PTCH1: variants seen among roughly 807,000 people sequenced by gnomAD.
The protein encoded by PTCH1 is protein patched homolog 1.
A neutral mutation model predicts 144.6 loss-of-function variants in PTCH1; 14 were observed. That is an observed-to-expected ratio of 0.10 (90% confidence interval 0.06 to 0.15). The LOEUF is 0.15. Among genes scored for constraint, PTCH1 ranks in the 10% least tolerant of loss-of-function variants. The probability of loss-of-function intolerance (pLI) is 1.00; values close to 1 mark genes in which losing one functional copy is unlikely to be tolerated. For synonymous variants in PTCH1, 833 were observed against 793.6 expected, an observed-to-expected ratio of 1.05 and a Z score of -0.83; for missense variants, 1,623 against 1,948.3, an observed-to-expected ratio of 0.83 and a Z score of 3.14.
In PTCH1 at chr9:95,469,715, C is replaced by T. The variant is rs530560011; in HGVS notation, c.1847+98G>A. On this transcript the variant is annotated intron_variant, in intron 13 of 23. Transcript: ENST00000331920. ...ACGTTCTCCACACCAGCACAAACCC[C>T]GTTACCCACATTCCTTTATAAGTCC... 671 of 1,215,112 alleles carry T rather than the reference C, an allele frequency of 5.5e-4. 2 individuals carry two copies. The highest frequency in any genetic ancestry group is 7.1e-4 in the Non-Finnish European group (578 of 818,688). The allele number at this position is 1,215,112 out of a possible 1,614,324, so 75.3% of individuals were successfully genotyped here.
rs56007343 is a variant in PTCH1, at chr9:95,449,240, G to A, written c.3633C>T (p.Pro1211=). 1.1e-4 allele frequency: 170 copies of A among 1,583,218 alleles called. 1 individual carries two copies. The East Asian group carries it at 3.4e-3, about 32-fold the overall frequency. Residue 1211 remains proline, a synonymous_variant, in exon 22 of 24, where the codon CCC becomes CCT. Coordinates refer to ENST00000331920, the MANE Select transcript of PTCH1 (RefSeq NM_000264.5). The surrounding 1 kb of genome is among the most constrained non-coding windows in gnomAD (Gnocchi z 5.3). ...AATCAGACCCGCTGTGCGTGTGGCC[G>A]GGCGGCATGGCGAAGCGGACCACGC... is the stretch of plus-strand genomic sequence containing the variant. ...PPSVVRFAMP[P]GHTHSGSDSS... is the part of the protein sequence containing the mutation.
chr9:95,467,466 C>A, intron 14 of PTCH1, 41 bp from the exon 15 acceptor site: 2 of 1,594,216 alleles, frequency 1.3e-6, no homozygotes, highest in Non-Finnish European at 1.7e-6. Flanking sequence ...CAGGGAGCAC[C>A]ACTGACTCTT....
rs1404258266 is a variant in PTCH1 at position 95,508,415 on chromosome 9, G to A, written c.-54C>T. The A allele has an allele frequency of 1.2e-5, 13 of 1,061,630 alleles. No homozygotes were observed. The African/African-American group carries it at 1.9e-4, about 15-fold the overall frequency. 65.8% of individuals were successfully genotyped at this position (1,061,630 alleles called of 1,614,324 possible). A position where few individuals can be genotyped will look rare whatever the true frequency, so the allele number is the denominator to read the frequency against. On this transcript the variant is annotated 5_prime_UTR_variant, in exon 1 of 24. Transcript: ENST00000331920. Reference sequence around the variant, plus strand: ...GGACGGAGGCTTCCCGGGCGGCCCGGCGCGCTGCTGCCGCTGCTGCGGGCT... The same window carrying A: ...GGACGGAGGCTTCCCGGGCGGCCCGACGCGCTGCTGCCGCTGCTGCGGGCT...
chr9:95,503,103 A>G (rs570688355), intron 2 of PTCH1, among the ~76,000 whole-genome samples: 4 of 152,196 alleles, frequency 2.6e-5, no homozygotes, highest in Non-Finnish European at 5.9e-5. Flanking sequence ...AACTAGGGCA[A>G]TATGCTACCT....
chr9:95,453,845 T>C (rs1050861184), intron 19 of PTCH1, among the ~76,000 whole-genome samples: 1 of 152,194 alleles, frequency 6.6e-6, no homozygotes, highest in Non-Finnish European at 1.5e-5. Context: ...TTGAACACAG[T>C]AAAATCAAAA....
At position 95,490,519 on chromosome 9, in the gene PTCH1, TGACA is replaced by T. The variant is rs1301861770; in HGVS notation, c.395-4649_395-4646del. ...ACCCAGAAAAACAAAACCTTCTATG[TGACA>T]CACACACACACACACACACACACAC... On this transcript the variant is annotated intron_variant, in intron 2 of 23. Coordinates refer to ENST00000331920, the MANE Select transcript of PTCH1 (RefSeq NM_000264.5). Among the ~76,000 whole-genome samples, 205 of 119,924 alleles carry T rather than the reference TGACA, an allele frequency of 1.7e-3. 1 individual carries two copies. The highest frequency in any genetic ancestry group is 6.4e-3 in the African/African-American group (191 of 29,650). 78.7% of individuals were successfully genotyped at this position (119,924 alleles called of 152,430 possible). A position where few individuals can be genotyped will look rare whatever the true frequency, so the allele number is the denominator to read the frequency against.
rs863224351 is a variant in PTCH1, at chr9:95,506,468, G to A, written c.333C>T (p.Ala111=). ...FLVVGLLIFG[A]FAVGLKAANL... Reference sequence around the variant, plus strand: ...TCGCTGCTTTTAATCCCACCGCGAAGGCCCCAAATATGAGGAGGCCCACAA... The same window carrying A: ...TCGCTGCTTTTAATCCCACCGCGAAAGCCCCAAATATGAGGAGGCCCACAA... The change falls in exon 2 of 24, where the codon GCC becomes GCT. Residue 111 remains alanine, a synonymous_variant. Coordinates refer to ENST00000331920, the MANE Select transcript of PTCH1 (RefSeq NM_000264.5). 1 of 1,613,544 alleles carries A rather than the reference G, an allele frequency of 6.2e-7. No homozygotes were observed. Among genetic ancestry groups the A allele is most frequent in the South Asian group, 1.1e-5 (1 of 90,986 alleles).
At chr9:95,495,199 A>G (rs1842706054) in intron 2 of PTCH1, 1 of 152,160 alleles carries the variant, frequency 6.6e-6, no homozygotes, top group African/African-American at 2.4e-5. Context: ...TGGTGCCGTG[A>G]GGAAGTTTCA....
At chr9:95,507,068 A>G (rs546483462) in intron 1 of PTCH1, 57 of 986,538 alleles carry the variant, frequency 5.8e-5, no homozygotes, top group Non-Finnish European at 6.1e-5. Flanking sequence ...TTGGAACAAC[A>G]TATTGCGGGT....
intron 19 of PTCH1, among the ~76,000 whole-genome samples, chr9:95,455,770 A>C (rs547316505): frequency 6.6e-6 from 1 of 152,282 alleles, no homozygotes; most frequent in East Asian, 1.9e-4. Context: ...GGGGCTGAAC[A>C]ATGGAGCCTC....
intron 12 of PTCH1, among the ~76,000 whole-genome samples, chr9:95,473,295 G>A (rs923660703): frequency 1.3e-4 from 20 of 152,170 alleles, no homozygotes; most frequent in Non-Finnish European, 7.3e-5. Context: ...TGAAGGTAAC[G>A]CAGGTTTACT....
intron 18 of PTCH1, among the ~76,000 whole-genome samples, chr9:95,456,817 C>T (rs540984825): frequency 6.6e-6 from 1 of 152,146 alleles, no homozygotes; most frequent in Non-Finnish European, 1.5e-5. Flanking sequence ...CCGCCAGAGA[C>T]CATCCGTGAA....
intron 5 of PTCH1, among the ~76,000 whole-genome samples, chr9:95,481,109 T>C (rs1017471383): frequency 1.3e-5 from 2 of 152,194 alleles, no homozygotes; most frequent in Admixed American, 6.5e-5. Context: ...TCACAGCCAC[T>C]TCCCCCCACA....
At chr9:95,469,307 T>A in intron 13 of PTCH1, 154 bp from the exon 14 acceptor site, 1 of 1,079,724 alleles carries the variant, frequency 9.3e-7, no homozygotes, top group Non-Finnish European at 1.4e-6. Context: ...AAACATCGCC[T>A]GGTTGATAAC....
Position 95,445,056 on chromosome 9 carries a change from G to GAATC in PTCH1, c.*1333_*1336dup, listed in dbSNP as rs1837775398. On this transcript the variant is annotated 3_prime_UTR_variant, in exon 24 of 24. Coordinates refer to ENST00000331920, the MANE Select transcript of PTCH1 (RefSeq NM_000264.5). ...CGTACCCTAAACACTGGTGCATGAAGAATCCCCCCGGAGCTCTTATCCTAC... is the reference window on the plus strand; with the variant it reads ...CGTACCCTAAACACTGGTGCATGAAGAATCAATCCCCCCGGAGCTCTTATCCTAC... 6.6e-6 allele frequency: 1 copy of GAATC among 152,150 alleles called. No individual in the cohort carries two copies. Among genetic ancestry groups the GAATC allele is most frequent in the Non-Finnish European group, 1.5e-5 (1 of 68,036 alleles). 9.4% of individuals were successfully genotyped at this position (152,150 alleles called of 1,614,324 possible).
At chr9:95,481,882 A>G in intron 5 of PTCH1, 67 bp downstream of exon 5, 2 of 1,347,730 alleles carry the variant, frequency 1.5e-6, no homozygotes, top group Non-Finnish European at 2.1e-6. Context: ...AAACAATGAT[A>G]AGCAACATTA....
rs758223838 is a variant in PTCH1 at position 95,480,565 on chromosome 9, G to A, written c.770C>T (p.Thr257Ile). 4 of 1,613,536 alleles carry A rather than the reference G, an allele frequency of 2.5e-6. No homozygotes were observed. The highest frequency in any genetic ancestry group is 2.2e-5 in the East Asian group (1 of 44,858). Residue 257 changes from threonine (T) to isoleucine (I), a missense_variant, in exon 6 of 24, where the codon ACA (threonine) becomes ATA (isoleucine). Physicochemically the swap from Thr to Ile is moderately conservative, Grantham distance 89. Around this residue, in one of 7 missense-constraint regions of PTCH1, gnomAD observed 230 missense variants for 271.0 expected, o/e 0.85. Transcript: ENST00000331920. ...YLLGKPPLRW[T>I]NFDPLEFLEE... is the part of the protein sequence containing the mutation. ...CAGGAATTCCAAAGGGTCGAAGTTT[G>A]TCCACCGCAAAGGAGGTTTACCTCT... is the stretch of plus-strand genomic sequence containing the variant.
At chr9:95,504,044 A>T (rs1843353342) in intron 2 of PTCH1, among the ~76,000 whole-genome samples, 2 of 147,458 alleles carry the variant, frequency 1.4e-5, no homozygotes, top group Non-Finnish European at 1.5e-5. Context: ...AAAAAAAAAA[A>T]AAAAAAAAAA....
chr9:95,493,408 G>C (rs755858057), intron 2 of PTCH1, among the ~76,000 whole-genome samples: 1 of 152,246 alleles, frequency 6.6e-6, no homozygotes, highest in African/African-American at 2.4e-5. Flanking sequence ...AGGGGCACCA[G>C]GGGCATGGCA....
Sources: gnomAD v4.1 joint callset for allele counts (sites outside exome capture counted in the v4.1 genomes callset) on GRCh38, gnomAD v4.1.1 for gene constraint, gnomAD v4.1.1 regional missense constraint, Gnocchi (gnomAD v3.1) non-coding constraint, MANE v1.5 for transcripts, NCBI Gene and HGNC (gene_info 2026-07-23, HGNC 2026-07-21) for gene names.